The following CACNA2D3 variants were observed in gnomAD, a reference collection of about 807,000 sequenced individuals.
CACNA2D3 encodes calcium voltage-gated channel auxiliary subunit alpha2delta 3, also known as voltage-dependent calcium channel subunit alpha-2/delta-3.
Under a neutral mutation model 160.6 loss-of-function variants are expected in CACNA2D3, and 60 were observed. The observed-to-expected ratio is 0.37, with a 90% CI of 0.30 to 0.46. The LOEUF (loss-of-function observed/expected upper bound fraction) is 0.46, where lower values mean the gene tolerates loss of function less well. Among genes scored for constraint, CACNA2D3 ranks in the 20% least tolerant of loss-of-function variants. The probability of loss-of-function intolerance (pLI) is 1.00; values close to 1 mark genes in which losing one functional copy is unlikely to be tolerated. For synonymous variants in CACNA2D3, 558 were observed against 492.9 expected (o/e 1.13, Z -1.75); for missense variants, 1,205 against 1,365.0 (o/e 0.88, Z 1.85).
intron 27 of CACNA2D3, among the ~76,000 whole-genome samples, chr3:54,909,843 C>T (rs1010939169): frequency 2.0e-5 from 3 of 152,034 alleles, no homozygotes; most frequent in African/African-American, 4.8e-5. Flanking sequence ...AGAAAGTGAT[C>T]AGCGTGGTGA....
intron 27 of CACNA2D3, among the ~76,000 whole-genome samples, chr3:54,911,109 G>A (rs543703340): frequency 4.3e-4 from 66 of 152,030 alleles, no homozygotes; most frequent in Admixed American, 9.8e-4. Context: ...TCATAAATAC[G>A]TCAGCCTACA....
intron 11 of CACNA2D3, among the ~76,000 whole-genome samples, chr3:54,706,568 C>T (rs1700861027): frequency 6.6e-6 from 1 of 152,162 alleles, no homozygotes; most frequent in South Asian, 2.1e-4. Flanking sequence ...TGACATGTTG[C>T]CATTGAGACC....
At chr3:54,790,477 G>T (rs548634121) in intron 13 of CACNA2D3, among the ~76,000 whole-genome samples, 50 of 152,222 alleles carry the variant, frequency 3.3e-4, no homozygotes, top group Admixed American at 2.2e-3. Context: ...TGGGGGTAAG[G>T]GTATATGTGA....
intron 2 of CACNA2D3, among the ~76,000 whole-genome samples, chr3:54,208,853 T>A (rs1701320634): frequency 6.6e-6 from 1 of 152,114 alleles, no homozygotes; most frequent in Non-Finnish European, 1.5e-5. Context: ...ACTGGGCAGT[T>A]TATAAAGAAA....
intron 4 of CACNA2D3, among the ~76,000 whole-genome samples, chr3:54,472,430 G>A (rs1173884639): frequency 6.6e-6 from 1 of 152,142 alleles, no homozygotes; most frequent in Non-Finnish European, 1.5e-5. Context: ...ACAAACCACA[G>A]CCAATATCAT....
intron 14 of CACNA2D3, among the ~76,000 whole-genome samples, chr3:54,821,641 G>GTTTCTTTCTTTCTTTCTTTCT (rs1204861925): frequency 9.3e-6 from 1 of 107,830 alleles, no homozygotes. Context: ...AGAGTCTTTC[G>GTTTCTTTCTTTCTTTCTTTCT]TTCTTTCTTT....
chr3:54,459,696 C>T (rs1300220548), intron 4 of CACNA2D3, among the ~76,000 whole-genome samples: 11 of 151,564 alleles, frequency 7.3e-5, no homozygotes, highest in South Asian at 2.1e-4. Context: ...GAGTAGGTTG[C>T]GAAAATTTTC....
chr3:54,819,945 G>A (rs1329233596), intron 14 of CACNA2D3, among the ~76,000 whole-genome samples: 1 of 152,080 alleles, frequency 6.6e-6, no homozygotes, highest in Non-Finnish European at 1.5e-5. Flanking sequence ...CCCCAACAAA[G>A]CAAAAATTTG....
intron 13 of CACNA2D3, among the ~76,000 whole-genome samples, chr3:54,815,245 G>T (rs1703421133): frequency 6.6e-6 from 1 of 152,134 alleles, no homozygotes; most frequent in Non-Finnish European, 1.5e-5. Flanking sequence ...CTTAAATTGG[G>T]AGACCCGTAT....
At chr3:54,268,092 G>T (rs2107447555) in intron 2 of CACNA2D3, among the ~76,000 whole-genome samples, 1 of 152,302 alleles carries the variant, frequency 6.6e-6, no homozygotes, top group African/African-American at 2.4e-5. Context: ...ACAGTGTGCT[G>T]GTTTTGGCAA....
At chr3:54,326,360 G>T (rs1704121037) in intron 3 of CACNA2D3, among the ~76,000 whole-genome samples, 1 of 152,150 alleles carries the variant, frequency 6.6e-6, no homozygotes, top group Admixed American at 6.5e-5. Flanking sequence ...GTCTACATAT[G>T]TATGACTATA....
chr3:54,518,424 G>A (rs953406971), intron 5 of CACNA2D3, among the ~76,000 whole-genome samples: 6 of 152,182 alleles, frequency 3.9e-5, no homozygotes, highest in Non-Finnish European at 5.9e-5. Flanking sequence ...GTTCCCCCCA[G>A]TGTCTGAGAA....
At chr3:54,172,717 G>A (rs546638828) in intron 2 of CACNA2D3, among the ~76,000 whole-genome samples, 1 of 152,322 alleles carries the variant, frequency 6.6e-6, no homozygotes, top group Non-Finnish European at 1.5e-5. Context: ...TGAATGACTA[G>A]AAGGCAGGGT....
intron 4 of CACNA2D3, among the ~76,000 whole-genome samples, chr3:54,491,208 C>T (rs961269589): frequency 2.0e-5 from 3 of 152,118 alleles, no homozygotes; most frequent in Non-Finnish European, 4.4e-5. Context: ...GTCAGTGGTG[C>T]ATTGATGTGA....
intron 35 of CACNA2D3, among the ~76,000 whole-genome samples, chr3:55,058,056 T>C (rs769066218): frequency 1.3e-5 from 2 of 152,232 alleles, no homozygotes; most frequent in Non-Finnish European, 2.9e-5. Flanking sequence ...GTTTCTGGAA[T>C]ACATCTGTCT....
intron 2 of CACNA2D3, among the ~76,000 whole-genome samples, chr3:54,249,053 A>G (rs1349827133): frequency 1.3e-5 from 2 of 152,146 alleles, no homozygotes; most frequent in Non-Finnish European, 2.9e-5. Context: ...ACTTTATATC[A>G]TAGTATTTAA....
intron 9 of CACNA2D3, among the ~76,000 whole-genome samples, chr3:54,611,467 T>G (rs1430104635): frequency 1.3e-5 from 2 of 152,194 alleles, no homozygotes; most frequent in Non-Finnish European, 2.9e-5. Context: ...CAGGTGCTCT[T>G]TTGTCTTTGT....
At chr3:54,277,443 T>G (rs1367076515) in intron 2 of CACNA2D3, among the ~76,000 whole-genome samples, 1 of 152,168 alleles carries the variant, frequency 6.6e-6, no homozygotes, top group Non-Finnish European at 1.5e-5. Context: ...GTTGTAGATG[T>G]GTGGCATTAT....
rs1265902604 is a variant in CACNA2D3, at chr3:54,736,083, G to GTATATATATATACATACATATATA, written c.1168-16513_1168-16512insATATATATACATACATATATATAT. On this transcript the variant is annotated intron_variant, in intron 11 of 37. Coordinates refer to ENST00000474759, the MANE Select transcript of CACNA2D3 (RefSeq NM_018398.3). The stretch of plus-strand genomic sequence containing the variant: ...TATGTATATATATATACATATATAT[G>GTATATATATATACATACATATATA]TATGTGTATATATATACATATATAT... Among the ~76,000 whole-genome samples, 12 of 34,228 alleles carry GTATATATATATACATACATATATA rather than the reference G, an allele frequency of 3.5e-4. 1 individual carries two copies. Among genetic ancestry groups the GTATATATATATACATACATATATA allele is most frequent in the South Asian group, 8.0e-4 (1 of 1,254 alleles). The allele number at this position is 34,228 out of a possible 152,430, so 22.5% of individuals were successfully genotyped here.
Sources: gnomAD v4.1 joint callset for allele counts (sites outside exome capture counted in the v4.1 genomes callset) on GRCh38, gnomAD v4.1.1 for gene constraint, MANE v1.5 for transcripts, NCBI Gene and HGNC (gene_info 2026-07-23, HGNC 2026-07-21) for gene names.